MIDEAS: variants seen among roughly 807,000 people sequenced by gnomAD.
MIDEAS encodes the protein mitotic deacetylase associated SANT domain protein, also known as mitotic deacetylase-associated SANT domain protein.
Under a neutral mutation model 102.7 loss-of-function variants are expected in MIDEAS, and 26 were observed. That is an observed-to-expected ratio of 0.25 (90% CI 0.19 to 0.35). The LOEUF is 0.35. Ranked by LOEUF, MIDEAS falls within the 10% of genes least tolerant of loss-of-function variation. The probability of loss-of-function intolerance (pLI) is 1.00; values close to 1 mark genes in which losing one functional copy is unlikely to be tolerated. For missense variants in MIDEAS, 1,231 were observed against 1,435.6 expected (o/e 0.86, Z 2.30); for synonymous variants, 585 against 591.0 (o/e 0.99, Z 0.15).
intron 3 of MIDEAS, among the ~76,000 whole-genome samples, chr14:73,734,337 G>C (rs1040119865): frequency 2.6e-5 from 4 of 152,162 alleles, no homozygotes; most frequent in Non-Finnish European, 4.4e-5. Flanking sequence ...GCTAAGTCCT[G>C]ATGTCATTAG....
intron 1 of MIDEAS, among the ~76,000 whole-genome samples, chr14:73,747,835 T>C (rs2053372612): frequency 6.6e-6 from 1 of 152,046 alleles, no homozygotes; most frequent in Admixed American, 6.6e-5. Flanking sequence ...CCACTCCCCA[T>C]TCCCCAAAGG....
rs766701986 is a variant in MIDEAS, at chr14:73,727,463, G to A, written c.2157C>T (p.Ile719=). The A allele has an allele frequency of 3.1e-6, 5 of 1,612,342 alleles. No individual in the cohort carries two copies. Among genetic ancestry groups the A allele is most frequent in the South Asian group, 1.1e-5 (1 of 91,044 alleles). Residue 719 remains isoleucine, a synonymous_variant, in exon 5 of 13, where the codon ATC becomes ATT. Transcript: ENST00000423556. ...SVMGEATPVS[I]EPRINVGSRF... ...AGGGGCAGGGCTGCACTTACGGCTC[G>A]ATGCTCACTGGGGTGGCCTCCCCCA...
rs575865954 is a variant in MIDEAS at position 73,717,885 on chromosome 14, G to C, written c.*958C>G. 6 of 152,474 alleles carry C rather than the reference G, an allele frequency of 3.9e-5. No individual in the cohort carries two copies. The highest frequency in any genetic ancestry group is 6.5e-5 in the Admixed American group (1 of 15,302). 9.4% of individuals were successfully genotyped at this position (152,474 alleles called of 1,614,324 possible). A position where few individuals can be genotyped will look rare whatever the true frequency, so the allele number is the denominator to read the frequency against. On this transcript the variant is annotated 3_prime_UTR_variant, in exon 13 of 13. Coordinates refer to ENST00000423556, the MANE Select transcript of MIDEAS (RefSeq NM_001367710.1). ...TGGATATCGACACTGGGTAGGGTGCGGTGGGGTTAGGTGTAGCTGCTGAGG... is the reference window on the plus strand; with the variant it reads ...TGGATATCGACACTGGGTAGGGTGCCGTGGGGTTAGGTGTAGCTGCTGAGG...
At chr14:73,735,306 C>T (rs577842381) in intron 3 of MIDEAS, among the ~76,000 whole-genome samples, 1 of 152,314 alleles carries the variant, frequency 6.6e-6, no homozygotes, top group African/African-American at 2.4e-5. Flanking sequence ...TGTTAATTAG[C>T]TTGATTATAT....
In MIDEAS at chr14:73,772,793, T is replaced by TTG. The variant is rs2053652957; in HGVS notation, c.-248+14308_-248+14309insCA. ...AACATTTTCTTACAGCTTCAAGTTC[T>TTG]AGTGTGTGTGTGTGTGTGTGTGTGT... is the stretch of plus-strand genomic sequence containing the variant. On this transcript the variant is annotated intron_variant, in intron 1 of 11. Transcript: ENST00000394071. Among the ~76,000 whole-genome samples the TTG allele has an allele frequency of 1.3e-4, 10 of 75,502 alleles. 1 individual carries two copies. The South Asian group carries it at 4.0e-3, about 30-fold the overall frequency. The allele number at this position is 75,502 out of a possible 152,430, so 49.5% of individuals were successfully genotyped here. A position where few individuals can be genotyped will look rare whatever the true frequency, so the allele number is the denominator to read the frequency against.
At chr14:73,775,125 A>G (rs2053677722) in intron 1 of MIDEAS, among the ~76,000 whole-genome samples, 1 of 152,050 alleles carries the variant, frequency 6.6e-6, no homozygotes, top group Admixed American at 6.6e-5. Context: ...AGCAAAGGCC[A>G]AGAGCATATA....
In MIDEAS at chr14:73,739,271, C is replaced by T. The variant is rs781255879; in HGVS notation, c.738G>A (p.Gln246=). ...GTGGTTGCTGCTGCTGCTGCTGCTT[C>T]TGTGGAGGGAAGGCAGCCACCGGGT... is the stretch of plus-strand genomic sequence containing the variant. ...PPNPVAAFPP[Q]KQQQQQQPQQ... is the part of the protein sequence containing the mutation. The change falls in exon 2 of 13, where the codon CAG becomes CAA. Residue 246 remains glutamine (Q), a synonymous_variant. Transcript: ENST00000423556. The T allele has an allele frequency of 2.8e-5, 45 of 1,611,986 alleles. No homozygotes were observed. In the South Asian group the frequency reaches 4.7e-4, roughly 17 times the overall value.
chr14:73,719,581 G>T, intron 11 of MIDEAS, 80 bp from the exon 12 acceptor site: 1 of 1,428,048 alleles, frequency 7.0e-7, no homozygotes, highest in Non-Finnish European at 9.6e-7. Flanking sequence ...GGAACCGGGG[G>T]CCTGAAAAGT....
At chr14:73,784,084 C>A (rs2053783324) in intron 1 of MIDEAS, among the ~76,000 whole-genome samples, 2 of 152,176 alleles carry the variant, frequency 1.3e-5, no homozygotes, top group Admixed American at 1.3e-4. Context: ...TGCTGGGTTG[C>A]CTAATTACCT....
At chr14:73,756,657 G>GCA (rs375833012) in intron 1 of MIDEAS, among the ~76,000 whole-genome samples, 9 of 152,316 alleles carry the variant, frequency 5.9e-5, no homozygotes, top group African/African-American at 2.2e-4. Flanking sequence ...ATGCACGCCT[G>GCA]CACACACACA....
upstream of MIDEAS, among the ~76,000 whole-genome samples, chr14:73,787,913 T>A (rs2053833482): frequency 6.6e-6 from 1 of 152,210 alleles, no homozygotes; most frequent in African/African-American, 2.4e-5. Context: ...TGATGCATTC[T>A]GTGTTTCATC....
chr14:73,734,403 GT>G (rs2053176951), intron 3 of MIDEAS, among the ~76,000 whole-genome samples: 1 of 151,864 alleles, frequency 6.6e-6, no homozygotes, highest in Non-Finnish European at 1.5e-5. Context: ...CAGGGTTTGG[GT>G]TTTTTGTTTT....
intron 1 of MIDEAS, among the ~76,000 whole-genome samples, chr14:73,785,432 T>C (rs1426283649): frequency 6.6e-6 from 1 of 152,106 alleles, no homozygotes; most frequent in Non-Finnish European, 1.5e-5. Context: ...GAGGAGTCAC[T>C]CCTCTGCCCC....
Position 73,725,431 on chromosome 14 carries a change from G to A in MIDEAS, c.2486-71C>T. ...GGCCACTGCAGGGCAATTTTGACAA[G>A]CAAAAAAGTGTGAGGCCATCCGCCC... On this transcript the variant is annotated intron_variant, in intron 8 of 12. Coordinates refer to ENST00000423556, the MANE Select transcript of MIDEAS (RefSeq NM_001367710.1). This position sits in a 1 kb window ranked among gnomAD's most constrained non-coding sequence, Gnocchi z 4.1. 1.5e-6 allele frequency: 2 copies of A among 1,305,548 alleles called. No homozygotes were observed. Among genetic ancestry groups the A allele is most frequent in the East Asian group, 2.3e-5 (1 of 43,116 alleles). The allele number at this position is 1,305,548 out of a possible 1,614,324, so 80.9% of individuals were successfully genotyped here.
rs2140157003 is a variant in MIDEAS, at chr14:73,760,226, A to G, written c.-711T>C. ...AAGGATTGCACAACTCGAGGCTGGGAGCGCGGAGCGCCCAGCGGCCGGCCG... is the reference window on the plus strand; with the variant it reads ...AAGGATTGCACAACTCGAGGCTGGGGGCGCGGAGCGCCCAGCGGCCGGCCG... On this transcript the variant is annotated 5_prime_UTR_variant, in exon 1 of 13. Transcript: ENST00000423556. This position sits in a 1 kb window ranked among gnomAD's most constrained non-coding sequence, Gnocchi z 4.8. The G allele has an allele frequency of 1.3e-5, 2 of 151,810 alleles. No individual in the cohort carries two copies. Among genetic ancestry groups the G allele is most frequent in the South Asian group, 4.2e-4 (2 of 4,778 alleles). The allele number at this position is 151,810 out of a possible 1,614,324, so 9.4% of individuals were successfully genotyped here. A position where few individuals can be genotyped will look rare whatever the true frequency, so the allele number is the denominator to read the frequency against.
At chr14:73,730,231 C>A in intron 3 of MIDEAS, 1 of 688,680 alleles carries the variant, frequency 1.5e-6, no homozygotes, top group Non-Finnish European at 2.7e-6. Flanking sequence ...CACATGTGAT[C>A]TCTGTTACAT....
In MIDEAS at chr14:73,783,059, C is replaced by G. The variant is rs115382209; in HGVS notation, c.-248+4043G>C. On this transcript the variant is annotated intron_variant, in intron 1 of 11. Transcript: ENST00000394071. ...GAGTGGGGCACCAGACCTGGGGATA[C>G]AAAGATATATAAAACAGGGCTTCCA... Among the ~76,000 whole-genome samples the G allele has an allele frequency of 1.0e-2, 1,517 of 152,164 alleles. 26 individuals carry two copies. The highest frequency in any genetic ancestry group is 0.035 in the African/African-American group (1,442 of 41,520).
chr14:73,757,107 T>C (rs2053492962), intron 1 of MIDEAS, among the ~76,000 whole-genome samples: 1 of 151,374 alleles, frequency 6.6e-6, no homozygotes, highest in Non-Finnish European at 1.5e-5. Flanking sequence ...ACCCCATATC[T>C]ACAAAAATAG....
At chr14:73,764,980 C>G (rs1218878177), upstream of MIDEAS, among the ~76,000 whole-genome samples, 1 of 152,236 alleles carries the variant, frequency 6.6e-6, no homozygotes, top group Admixed American at 6.5e-5. Flanking sequence ...AAGGACAAAA[C>G]AGGTGTGGCT....
Sources: allele counts gnomAD v4.1 joint callset (sites outside exome capture counted in the v4.1 genomes callset), GRCh38; gene constraint gnomAD v4.1.1; non-coding constraint Gnocchi (gnomAD v3.1); transcripts MANE v1.5; gene names NCBI Gene and HGNC (gene_info 2026-07-23, HGNC 2026-07-21).